The following CCDC60 variants were observed in gnomAD, a reference collection of about 807,000 sequenced individuals.
The protein encoded by CCDC60 is coiled-coil domain containing 60, also known as coiled-coil domain-containing protein 60.
Under a neutral mutation model 63.5 loss-of-function variants are expected in CCDC60, and 54 were observed. That is an observed-to-expected ratio of 0.85 (90% confidence interval 0.68 to 1.07). CCDC60 has a LOEUF of 1.07. CCDC60 is among the 50% of genes least tolerant of loss of function. The pLI, the probability that CCDC60 is intolerant of heterozygous loss-of-function variation, is 0.00. For missense variants in CCDC60, 651 were observed against 684.3 expected (o/e 0.95, Z 0.54); for synonymous variants, 206 against 238.8 (o/e 0.86, Z 1.27).
chr12:119,342,957 C>T (rs1490244194), intron 1 of CCDC60, among the ~76,000 whole-genome samples: 1 of 151,718 alleles, frequency 6.6e-6, no homozygotes, highest in Non-Finnish European at 1.5e-5. Flanking sequence ...TTCAACATCC[C>T]CACAGCCATC....
intron 5 of CCDC60, among the ~76,000 whole-genome samples, chr12:119,490,685 C>T (rs1013865049): frequency 2.0e-5 from 3 of 151,826 alleles, no homozygotes; most frequent in African/African-American, 7.3e-5. Context: ...CTGCCTCAGC[C>T]TCCCAGGTAG....
At position 119,354,721 on chromosome 12, in the gene CCDC60, T is replaced by G. The variant is rs551234993; in HGVS notation, c.90+19455T>G. ...GACCACAAAATGTTTTTACAAATAA[T>G]TTCTTCATTTTGCAAAGGCTGGCTC... On this transcript the variant is annotated intron_variant, in intron 1 of 13. Coordinates refer to ENST00000327554, the MANE Select transcript of CCDC60 (RefSeq NM_178499.5). Among the ~76,000 whole-genome samples the G allele has an allele frequency of 1.7e-3, 252 of 152,328 alleles. 4 individuals carry two copies. In the South Asian group the frequency reaches 0.017, roughly 11 times the overall value.
rs1011619502 is a variant in CCDC60, at chr12:119,355,369, C to T, written c.90+20103C>T. Among the ~76,000 whole-genome samples, 6 of 152,336 alleles carry T rather than the reference C, an allele frequency of 3.9e-5. No individual in the cohort carries two copies. In the East Asian group the frequency reaches 1.2e-3, roughly 29 times the overall value. On this transcript the variant is annotated intron_variant, in intron 1 of 13. Transcript: ENST00000327554. ...AACTCTCTCCTTGTTTTCTTCCTCC[C>T]TAACTCTGTGCGGTTCCACAGTCAG...
intron 1 of CCDC60, among the ~76,000 whole-genome samples, chr12:119,389,707 C>G (rs1956123335): frequency 6.6e-6 from 1 of 152,040 alleles, no homozygotes; most frequent in African/African-American, 2.4e-5. Context: ...GCCCCTGAGC[C>G]CCAGACCCAA....
chr12:119,450,690 C>G (rs1172903425), intron 2 of CCDC60, among the ~76,000 whole-genome samples: 1 of 152,086 alleles, frequency 6.6e-6, no homozygotes, highest in African/African-American at 2.4e-5. Flanking sequence ...AACCCCACCT[C>G]TACTAAAAAT....
At chr12:119,443,250 A>G (rs962018384) in intron 2 of CCDC60, among the ~76,000 whole-genome samples, 3 of 152,146 alleles carry the variant, frequency 2.0e-5, no homozygotes, top group African/African-American at 7.2e-5. Context: ...TCTCCAATCT[A>G]TTTGCCTTTT....
At chr12:119,350,661 G>T (rs2136153040) in intron 1 of CCDC60, among the ~76,000 whole-genome samples, 1 of 152,262 alleles carries the variant, frequency 6.6e-6, no homozygotes, top group African/African-American at 2.4e-5. Context: ...GGCTCATTCT[G>T]AAGGTAATTT....
chr12:119,504,720 A>G (rs926406476), intron 6 of CCDC60, among the ~76,000 whole-genome samples: 1 of 152,236 alleles, frequency 6.6e-6, no homozygotes, highest in Non-Finnish European at 1.5e-5. Flanking sequence ...TAGTTATTAC[A>G]AAAGAAAAGT....
chr12:119,349,864 C>T lies in CCDC60; in HGVS notation c.90+14598C>T, dbSNP rs546000261. 4.3e-3 allele frequency among the ~76,000 whole-genome samples: 662 copies of T among 152,284 alleles called. 7 individuals are homozygous for T. Among genetic ancestry groups the T allele is most frequent in the African/African-American group, 0.015 (622 of 41,560 alleles). ...TATCTTTGCCTCTCATTACTCCCTT[C>T]AGATATTTTCAGTGCAGGAAGCTCT... is the stretch of plus-strand genomic sequence containing the variant. On this transcript the variant is annotated intron_variant, in intron 1 of 13. Transcript: ENST00000327554.
In CCDC60 at chr12:119,443,160, G is replaced by A. The variant is rs147692989; in HGVS notation, c.170+14398G>A. Among the ~76,000 whole-genome samples, 78 of 152,256 alleles carry A rather than the reference G, an allele frequency of 5.1e-4. No individual in the cohort carries two copies. In the East Asian group the frequency reaches 0.014, roughly 27 times the overall value. On this transcript the variant is annotated intron_variant, in intron 2 of 13. Transcript: ENST00000327554. The stretch of plus-strand genomic sequence containing the variant: ...TTTGTCCTACTCAGTAACATCCTAG[G>A]CTCAGCCTTTTCTTTAATACCAGCA...
intron 1 of CCDC60, among the ~76,000 whole-genome samples, chr12:119,400,952 G>A (rs1016956185): frequency 6.6e-6 from 1 of 152,140 alleles, no homozygotes; most frequent in Non-Finnish European, 1.5e-5. Context: ...CTGATTCTGT[G>A]GGCAATTCAC....
At chr12:119,522,652 G>T (rs1209515559) in intron 9 of CCDC60, among the ~76,000 whole-genome samples, 1 of 152,234 alleles carries the variant, frequency 6.6e-6, no homozygotes, top group Non-Finnish European at 1.5e-5. Flanking sequence ...GAAGGTCAAA[G>T]TTAGACACAG....
intron 2 of CCDC60, among the ~76,000 whole-genome samples, chr12:119,432,601 T>C (rs537838516): frequency 2.8e-4 from 42 of 152,304 alleles, no homozygotes; most frequent in African/African-American, 9.9e-4. Flanking sequence ...CTGTACACTG[T>C]AGACAAATGG....
chr12:119,527,490 A>C (rs1952708975), intron 11 of CCDC60, among the ~76,000 whole-genome samples: 2 of 152,050 alleles, frequency 1.3e-5, no homozygotes, highest in Non-Finnish European at 2.9e-5. Context: ...AGGTCCCAGA[A>C]GTCAGAGGGG....
At chr12:119,344,832 CTCTT>C (rs1252993276) in intron 1 of CCDC60, among the ~76,000 whole-genome samples, 6 of 131,618 alleles carry the variant, frequency 4.6e-5, no homozygotes, top group African/African-American at 1.7e-4. Flanking sequence ...CTCTCTCTCT[CTCTT>C]TCTCTCTCTC....
intron 4 of CCDC60, among the ~76,000 whole-genome samples, chr12:119,487,636 G>A (rs1951484555): frequency 6.6e-6 from 1 of 151,530 alleles, no homozygotes; most frequent in South Asian, 2.1e-4. Flanking sequence ...AACCATCTCA[G>A]TCACCAACAG....
chr12:119,477,008 T>C (rs143196831), intron 3 of CCDC60, among the ~76,000 whole-genome samples: 1 of 152,390 alleles, frequency 6.6e-6, no homozygotes, highest in East Asian at 1.9e-4. Context: ...CTTTCTCTCA[T>C]AAATCTGCAA....
intron 1 of CCDC60, among the ~76,000 whole-genome samples, chr12:119,402,992 T>G (rs1248368801): frequency 6.6e-6 from 1 of 152,196 alleles, no homozygotes; most frequent in Non-Finnish European, 1.5e-5. Context: ...AAACCTAGCT[T>G]TAGGAATAAT....
At position 119,500,082 on chromosome 12, in the gene CCDC60, C is replaced by T; in HGVS notation, c.562C>T (p.Pro188Ser). The change falls in exon 6 of 14, where the codon CCG becomes TCG. Residue 188 changes from proline (P) to serine (S), a missense_variant. Transcript: ENST00000327554. ...ATTAAGCTGTTTCTCACTCAGGGAC[C>T]CGGGTGGAAGCAAGAGCACCATTAA... is the stretch of plus-strand genomic sequence containing the variant. ...PVITCWNPKD[P>S]GGSKSTIKKI... 1.2e-6 allele frequency: 2 copies of T among 1,610,598 alleles called. No individual in the cohort carries two copies. The highest frequency in any genetic ancestry group is 2.7e-5 in the African/African-American group (2 of 74,856).
Sources: allele counts gnomAD v4.1 joint callset (sites outside exome capture counted in the v4.1 genomes callset), GRCh38; gene constraint gnomAD v4.1.1; transcripts MANE v1.5; gene names NCBI Gene and HGNC (gene_info 2026-07-23, HGNC 2026-07-21).